The following PIGB variants were observed in gnomAD, a reference collection of about 807,000 sequenced individuals.
PIGB encodes the protein phosphatidylinositol glycan anchor biosynthesis class B.
A neutral mutation model predicts 68.4 loss-of-function variants in PIGB; 58 were observed. The observed-to-expected ratio is 0.85, with a 90% CI of 0.69 to 1.06. The LOEUF is 1.06. Among genes scored for constraint, PIGB ranks in the 50% least tolerant of loss-of-function variants. The pLI is 0.00. For synonymous variants in PIGB, 219 were observed against 220.5 expected, an observed-to-expected ratio of 0.99 and a Z score of 0.06; for missense variants, 634 against 655.8, an observed-to-expected ratio of 0.97 and a Z score of 0.36.
At chr15:55,344,038 C>T (rs1357817465) in intron 9 of PIGB, among the ~76,000 whole-genome samples, 1 of 152,200 alleles carries the variant, frequency 6.6e-6, no homozygotes, top group Non-Finnish European at 1.5e-5. Flanking sequence ...TTGAGTTATA[C>T]CACAAATTTC....
chr15:55,337,001 C>T (rs1232116802), intron 6 of PIGB, among the ~76,000 whole-genome samples: 2 of 152,014 alleles, frequency 1.3e-5, no homozygotes, highest in Non-Finnish European at 2.9e-5. Context: ...AAAATAAAAC[C>T]TTACATCCAG....
intron 9 of PIGB, chr15:55,346,235 G>A (rs1226598030): frequency 6.6e-6 from 1 of 152,190 alleles, no homozygotes; most frequent in Admixed American, 6.5e-5. Flanking sequence ...ACCACCTCAT[G>A]AAGTATCTTC....
chr15:55,330,371 G>A (rs1055311987), intron 5 of PIGB, among the ~76,000 whole-genome samples: 7 of 152,210 alleles, frequency 4.6e-5, no homozygotes, highest in East Asian at 1.9e-4. Flanking sequence ...GCTTTCCTGC[G>A]TGCAGACTGG....
In PIGB at chr15:55,335,828, G is replaced by C. The variant is rs534662849; in HGVS notation, c.794+1821G>C. On this transcript the variant is annotated intron_variant, in intron 6 of 11. Coordinates refer to ENST00000164305, the MANE Select transcript of PIGB (RefSeq NM_004855.5). ...GATGTGGCTAAAAGAGAGTGAGTTT[G>C]GGAGAATGTAATAATGAGGTCAGAG... Among the ~76,000 whole-genome samples, 12 of 152,234 alleles carry C rather than the reference G, an allele frequency of 7.9e-5. No homozygotes were observed. The South Asian group carries it at 2.1e-3, about 26-fold the overall frequency.
At chr15:55,346,874 G>C (rs1234904210) in intron 9 of PIGB, 2 of 152,146 alleles carry the variant, frequency 1.3e-5, no homozygotes, top group African/African-American at 4.8e-5. Context: ...TTCTCTTGTG[G>C]TTCACTCAGT....
intron 10 of PIGB, chr15:55,354,584 G>T (rs183613653): frequency 4.1e-6 from 2 of 493,642 alleles, no homozygotes; most frequent in Admixed American, 8.2e-5. Context: ...TGGGCTTATA[G>T]GTTATACTGC....
At chr15:55,319,501 C>T (rs2141155142) in intron 1 of PIGB, 88 bp downstream of exon 1, 1 of 944,394 alleles carries the variant, frequency 1.1e-6, no homozygotes. Context: ...GCCCGTTGAG[C>T]TCTGTGTTGC....
rs375573598 is a variant in PIGB, at chr15:55,332,017, G to A, written c.654-1850G>A. Among the ~76,000 whole-genome samples, 17 of 150,512 alleles carry A rather than the reference G, an allele frequency of 1.1e-4. No homozygotes were observed. In the East Asian group the frequency reaches 1.9e-3, roughly 17 times the overall value. ...TTTCGAGACAGTGTCTCTCTCTGTC[G>A]CCCAGGCTGGAGTACAGTGGCTCCA... On this transcript the variant is annotated intron_variant, in intron 5 of 11. Coordinates refer to ENST00000164305, the MANE Select transcript of PIGB (RefSeq NM_004855.5).
At chr15:55,330,284 C>G (rs2055384417) in intron 5 of PIGB, among the ~76,000 whole-genome samples, 1 of 152,202 alleles carries the variant, frequency 6.6e-6, no homozygotes, top group South Asian at 2.1e-4. Flanking sequence ...AATCCTGACC[C>G]AACTCTTCTG....
chr15:55,332,363 ATTCTTTTTTTTTT>A (rs2055436245), intron 5 of PIGB, among the ~76,000 whole-genome samples: 1 of 149,672 alleles, frequency 6.7e-6, no homozygotes, highest in Admixed American at 6.7e-5. Context: ...TACAGAATTC[ATTCTTTTTTTTTT>A]TTCTTTTTTT....
intron 10 of PIGB, 95 bp downstream of exon 10, chr15:55,351,007 C>G: frequency 6.1e-6 from 4 of 656,826 alleles, no homozygotes; most frequent in Non-Finnish European, 1.0e-5. Flanking sequence ...TAATTGGTCA[C>G]TGATCAAATG....
At chr15:55,352,782 T>C (rs1174969559) in intron 10 of PIGB, among the ~76,000 whole-genome samples, 12 of 152,080 alleles carry the variant, frequency 7.9e-5, no homozygotes, top group Admixed American at 7.9e-4. Context: ...ATACATAAAA[T>C]CTATAACTAT....
chr15:55,331,924 G>C (rs1015173687), intron 5 of PIGB, among the ~76,000 whole-genome samples: 4 of 151,978 alleles, frequency 2.6e-5, no homozygotes, highest in African/African-American at 9.7e-5. Flanking sequence ...TTTTGGGCTA[G>C]GATTCCTTCA....
chr15:55,327,126 T>A (rs1566948679), intron 3 of PIGB, among the ~76,000 whole-genome samples: 1 of 150,026 alleles, frequency 6.7e-6, no homozygotes, highest in Non-Finnish European at 1.5e-5. Context: ...AAAAATAATT[T>A]AAAAATATAT....
At chr15:55,343,598 A>G (rs190526271) in intron 9 of PIGB, 34 of 152,284 alleles carry the variant, frequency 2.2e-4, no homozygotes, top group African/African-American at 7.9e-4. Flanking sequence ...AGTCTAAAAG[A>G]TTGAATCTTT....
At chr15:55,326,953 C>T (rs755811951) in intron 3 of PIGB, among the ~76,000 whole-genome samples, 30 of 151,886 alleles carry the variant, frequency 2.0e-4, no homozygotes, top group South Asian at 6.2e-4. Flanking sequence ...CTTTGGGAGG[C>T]CAAGGTGGAA....
chr15:55,339,128 G>A, intron 6 of PIGB, 139 bp from the exon 7 acceptor site: 1 of 650,102 alleles, frequency 1.5e-6, no homozygotes, highest in East Asian at 2.8e-5. Context: ...TTCAAAATGT[G>A]TAAATCTATA....
At chr15:55,348,820 T>C (rs2055861547) in intron 9 of PIGB, among the ~76,000 whole-genome samples, 1 of 152,214 alleles carries the variant, frequency 6.6e-6, no homozygotes, top group Non-Finnish European at 1.5e-5. Flanking sequence ...TGTAGCTTTT[T>C]GTATTTGAGC....
chr15:55,327,585 C>T lies in PIGB; in HGVS notation c.472C>T (p.Leu158Phe). 2 of 1,612,178 alleles carry T rather than the reference C, an allele frequency of 1.2e-6. No homozygotes were observed. The highest frequency in any genetic ancestry group is 1.7e-6 in the Non-Finnish European group (2 of 1,179,162). The change falls in exon 4 of 12, where the codon CTT becomes TTT. Residue 158 changes from leucine (L) to phenylalanine (F), a missense_variant. Coordinates refer to ENST00000164305, the MANE Select transcript of PIGB (RefSeq NM_004855.5). ...TCTGTCTGCTGTAGCAGATGTGAGA[C>T]TTTACTCATTAATGAAGCAACTAGA... ...ALLSAVADVR[L>F]YSLMKQLENQ... is the part of the protein sequence containing the mutation.
Sources: gnomAD v4.1 joint callset for allele counts (sites outside exome capture counted in the v4.1 genomes callset) on GRCh38, gnomAD v4.1.1 for gene constraint, MANE v1.5 for transcripts, NCBI Gene and HGNC (gene_info 2026-07-23, HGNC 2026-07-21) for gene names.